Variants in JMY observed in about 807,000 individuals in gnomAD.
JMY encodes junction-mediating and -regulatory protein.
JMY carries 46 observed loss-of-function variants against 103.3 expected under a neutral mutation model. That is an observed-to-expected ratio of 0.45 (90% CI 0.35 to 0.57). JMY has a LOEUF of 0.57. JMY is among the 20% of genes least tolerant of loss of function. The pLI, the probability that JMY is intolerant of heterozygous loss-of-function variation, is 0.00. For synonymous variants in JMY, 526 were observed against 489.3 expected (o/e 1.07, Z -0.99); for missense variants, 1,238 against 1,255.2 (o/e 0.99, Z 0.21).
intron 2 of JMY, among the ~76,000 whole-genome samples, chr5:79,287,766 CTA>C (rs1421478938): frequency 1.3e-5 from 2 of 152,170 alleles, no homozygotes; most frequent in African/African-American, 2.4e-5. Context: ...AGGTAGCAAA[CTA>C]TGTTATCTTC....
intron 2 of JMY, 87 bp downstream of exon 2, chr5:79,278,170 TAAA>T (rs56785564): frequency 0.082 from 53,014 of 643,686 alleles, 7 homozygotes; most frequent in Non-Finnish European, 0.094. Flanking sequence ...AGAGGAACTT[TAAA>T]AAAAAAAAAA....
intron 6 of JMY, 55 bp downstream of exon 6, chr5:79,300,918 C>T: frequency 7.1e-7 from 1 of 1,413,718 alleles, no homozygotes; most frequent in Non-Finnish European, 9.6e-7. Context: ...ATCTACTAAT[C>T]TCATCTGTTT....
intron 1 of JMY, among the ~76,000 whole-genome samples, chr5:79,253,032 A>T (rs1015017592): frequency 9.2e-5 from 14 of 151,936 alleles, no homozygotes; most frequent in African/African-American, 3.1e-4. Flanking sequence ...TTCTGGTGAT[A>T]CTATTTAATT....
At chr5:79,282,041 TAAAAATAC>T (rs1417667059) in intron 2 of JMY, among the ~76,000 whole-genome samples, 2 of 151,780 alleles carry the variant, frequency 1.3e-5, no homozygotes, top group African/African-American at 4.8e-5. Flanking sequence ...CTGTCTCTAC[TAAAAATAC>T]AAAAAAAATT....
intron 4 of JMY, among the ~76,000 whole-genome samples, chr5:79,299,205 G>T (rs1320176802): frequency 6.6e-6 from 1 of 152,198 alleles, no homozygotes; most frequent in East Asian, 1.9e-4. Flanking sequence ...CTTTCCTGGA[G>T]CTGCTAAGCA....
intron 6 of JMY, among the ~76,000 whole-genome samples, chr5:79,302,918 C>T (rs549995450): frequency 2.0e-5 from 3 of 152,138 alleles, no homozygotes; most frequent in African/African-American, 7.2e-5. Flanking sequence ...CTGTCTAGAT[C>T]TGACACTTTG....
chr5:79,283,421 G>A (rs1366228559), intron 2 of JMY, among the ~76,000 whole-genome samples: 2 of 152,144 alleles, frequency 1.3e-5, no homozygotes, highest in African/African-American at 4.8e-5. Flanking sequence ...AAGTATGATA[G>A]GAAAGAAGAG....
At chr5:79,270,655 T>TATTTACATAAATATTTATATAAAATAC in intron 1 of JMY, among the ~76,000 whole-genome samples, 1 of 146,350 alleles carries the variant, frequency 6.8e-6, no homozygotes, top group Non-Finnish European at 1.5e-5. Context: ...ATATAAAATA[T>TATTTACATAAATATTTATATAAAATAC]ATATTTACAT....
In JMY at chr5:79,323,075, T is replaced by G. The variant is rs1747513066; in HGVS notation, c.*1473T>G. The stretch of plus-strand genomic sequence containing the variant: ...TTATGTAAGACAACAACTTTTTTTA[T>G]TATTTCAAAACAAAACAGGCACATG... On this transcript the variant is annotated 3_prime_UTR_variant, in exon 11 of 11. Coordinates refer to ENST00000396137, the MANE Select transcript of JMY (RefSeq NM_152405.5). The G allele has an allele frequency of 6.6e-6, 1 of 152,218 alleles. No individual in the cohort carries two copies. The highest frequency in any genetic ancestry group is 2.4e-5 in the African/African-American group (1 of 41,450). 9.4% of individuals were successfully genotyped at this position (152,218 alleles called of 1,614,324 possible).
chr5:79,300,624 A>G lies in JMY; in HGVS notation c.1694-52A>G, dbSNP rs545917331. The G allele has an allele frequency of 7.0e-6, 10 of 1,435,086 alleles. No individual in the cohort carries two copies. The East Asian group carries it at 1.9e-4, about 27-fold the overall frequency. 88.9% of individuals were successfully genotyped at this position (1,435,086 alleles called of 1,614,324 possible). On this transcript the variant is annotated intron_variant, in intron 5 of 10. Coordinates refer to ENST00000396137, the MANE Select transcript of JMY (RefSeq NM_152405.5). ...ATGAGATTAGAACCTTGTTCTTTCC[A>G]AACCCTAGCCCATATTCTTTACCAC...
chr5:79,283,776 A>G (rs1326447324), intron 2 of JMY, among the ~76,000 whole-genome samples: 1 of 152,230 alleles, frequency 6.6e-6, no homozygotes, highest in Non-Finnish European at 1.5e-5. Flanking sequence ...GGTGATTATG[A>G]TACACACTTA....
intron 1 of JMY, among the ~76,000 whole-genome samples, chr5:79,254,475 C>T (rs1007120795): frequency 2.6e-5 from 4 of 152,200 alleles, no homozygotes; most frequent in African/African-American, 9.7e-5. Flanking sequence ...TCATGCCGCT[C>T]TCTCCTGGCC....
chr5:79,255,429 G>A (rs1745212179), intron 1 of JMY, among the ~76,000 whole-genome samples: 2 of 152,122 alleles, frequency 1.3e-5, no homozygotes, highest in African/African-American at 4.8e-5. Flanking sequence ...TTGGTTCCTG[G>A]TGGCTTATTT....
rs534242980 is a variant in JMY at position 79,300,547 on chromosome 5, T to C, written c.1694-129T>C. ...AGGTGTATTAAATAATAATCACCAC[T>C]TACAAAGAAGCTTAAGAGATAATGG... On this transcript the variant is annotated intron_variant, in intron 5 of 10. Transcript: ENST00000396137. 5.1e-6 allele frequency: 4 copies of C among 779,352 alleles called. No individual in the cohort carries two copies. In the East Asian group the frequency reaches 1.2e-4, roughly 22 times the overall value. The allele number at this position is 779,352 out of a possible 1,614,324, so 48.3% of individuals were successfully genotyped here. A position where few individuals can be genotyped will look rare whatever the true frequency, so the allele number is the denominator to read the frequency against.
At chr5:79,294,677 C>T (rs923505760) in intron 4 of JMY, among the ~76,000 whole-genome samples, 5 of 151,822 alleles carry the variant, frequency 3.3e-5, no homozygotes, top group Admixed American at 2.0e-4. Context: ...GCCAAGATGA[C>T]GAAATTCTGT....
At chr5:79,317,619 AG>A (rs199761688) in intron 10 of JMY, among the ~76,000 whole-genome samples, 1,687 of 152,350 alleles carry the variant, frequency 0.011, 35 homozygotes, top group African/African-American at 0.038. Flanking sequence ...TCACCAAAGT[AG>A]GGAAGACTTG....
rs532463874 is a variant in JMY at position 79,236,622 on chromosome 5, C to G, written c.-29C>G. ...CCTCGGGCGGGCCGGGCCGGCGGCC[C>G]TTCCCCGCGGCGAGAAGCCGGAGCC... On this transcript the variant is annotated 5_prime_UTR_variant, in exon 1 of 11. Coordinates refer to ENST00000396137, the MANE Select transcript of JMY (RefSeq NM_152405.5). 9 of 1,362,270 alleles carry G rather than the reference C, an allele frequency of 6.6e-6. No homozygotes were observed. In the African/African-American group the frequency reaches 1.2e-4, roughly 18 times the overall value. The allele number at this position is 1,362,270 out of a possible 1,614,324, so 84.4% of individuals were successfully genotyped here.
chr5:79,290,812 C>G (rs1472541693), intron 3 of JMY, among the ~76,000 whole-genome samples: 2 of 151,944 alleles, frequency 1.3e-5, no homozygotes, highest in African/African-American at 4.8e-5. Context: ...ATGGTGAAAC[C>G]CCATCTCTAC....
At chr5:79,317,893 C>T (rs939125070) in intron 10 of JMY, among the ~76,000 whole-genome samples, 10 of 151,842 alleles carry the variant, frequency 6.6e-5, no homozygotes, top group African/African-American at 1.7e-4. Flanking sequence ...ATGGTTGCCC[C>T]GATTAGCATA....
Sources: gnomAD v4.1 joint callset for allele counts (sites outside exome capture counted in the v4.1 genomes callset) on GRCh38, gnomAD v4.1.1 for gene constraint, MANE v1.5 for transcripts, NCBI Gene and HGNC (gene_info 2026-07-23, HGNC 2026-07-21) for gene names.